The following BCKDHA variants were observed in gnomAD, a reference collection of about 807,000 sequenced individuals.
BCKDHA encodes 2-oxoisovalerate dehydrogenase subunit alpha, mitochondrial.
In BCKDHA, 43 loss-of-function variants were observed where a neutral mutation model predicts 52.2. That is an observed-to-expected ratio of 0.82 (90% CI 0.64 to 1.06). BCKDHA has a LOEUF of 1.06. BCKDHA is among the 50% of genes least tolerant of loss of function. The pLI, the probability that BCKDHA is intolerant of heterozygous loss-of-function variation, is 0.00. For missense variants in BCKDHA, 527 were observed against 621.3 expected, an observed-to-expected ratio of 0.85 and a Z score of 1.61; for synonymous variants, 234 against 247.9, an observed-to-expected ratio of 0.94 and a Z score of 0.53.
chr19:41,413,327 G>A lies in BCKDHA; in HGVS notation c.376-722G>A, dbSNP rs74512011. Among the ~76,000 whole-genome samples, 13 of 151,542 alleles carry A rather than the reference G, an allele frequency of 8.6e-5. No homozygotes were observed. In the East Asian group the frequency reaches 1.2e-3, roughly 14 times the overall value. Reference sequence around the variant, plus strand: ...CAAGGGAGGCCAGGGACCTGAGTGCGTGTCTTTTTGAGGCTCAGGTTAGGG... The same window carrying A: ...CAAGGGAGGCCAGGGACCTGAGTGCATGTCTTTTTGAGGCTCAGGTTAGGG... On this transcript the variant is annotated intron_variant, in intron 3 of 8. Coordinates refer to ENST00000269980, the MANE Select transcript of BCKDHA (RefSeq NM_000709.4).
intron 4 of BCKDHA, among the ~76,000 whole-genome samples, chr19:41,418,091 C>CAAAAAAAAAAAAA (rs66838098): frequency 1.4e-5 from 1 of 72,014 alleles, no homozygotes; most frequent in Non-Finnish European, 2.5e-5. Context: ...GACTCTGTCT[C>CAAAAAAAAAAAAA]AAAAAAAAAA....
intron 4 of BCKDHA, among the ~76,000 whole-genome samples, chr19:41,417,163 C>G (rs2039314899): frequency 6.6e-6 from 1 of 151,544 alleles, no homozygotes; most frequent in African/African-American, 2.4e-5. Context: ...AGGTGCACGC[C>G]ACCACACCTG....
intron 1 of BCKDHA, among the ~76,000 whole-genome samples, chr19:41,398,296 A>G (rs1291323193): frequency 6.6e-6 from 1 of 152,118 alleles, no homozygotes; most frequent in Non-Finnish European, 1.5e-5. Flanking sequence ...GGAGAATGAA[A>G]CTGACTTTGT....
At chr19:41,399,331 CTTTTTTTTTTT>C (rs11307304) in intron 1 of BCKDHA, 1 of 91,860 alleles carries the variant, frequency 1.1e-5, no homozygotes, top group Admixed American at 1.1e-4. Flanking sequence ...GACCTTTTCA[CTTTTTTTTTTT>C]TTTTTTTTTT....
At chr19:41,414,938 G>A (rs958615180) in intron 4 of BCKDHA, among the ~76,000 whole-genome samples, 1 of 152,176 alleles carries the variant, frequency 6.6e-6, no homozygotes, top group Non-Finnish European at 1.5e-5. Flanking sequence ...TCGTAAGGGG[G>A]ATGGTAGCCC....
intron 4 of BCKDHA, among the ~76,000 whole-genome samples, chr19:41,418,521 GT>G (rs2039330063): frequency 6.8e-6 from 1 of 145,996 alleles, no homozygotes; most frequent in African/African-American, 2.5e-5. Flanking sequence ...CTGTTATTTG[GT>G]TCATAATGAT....
At chr19:41,409,599 G>T (rs1041871836) in intron 1 of BCKDHA, among the ~76,000 whole-genome samples, 32 of 152,010 alleles carry the variant, frequency 2.1e-4, no homozygotes, top group African/African-American at 7.5e-4. Flanking sequence ...TGTAAAGCAA[G>T]CAGAGATGAG....
intron 1 of BCKDHA, among the ~76,000 whole-genome samples, chr19:41,401,060 AG>A (rs1172712312): frequency 7.5e-6 from 1 of 132,576 alleles, no homozygotes; most frequent in East Asian, 2.1e-4. Context: ...TAGATGGTGC[AG>A]GGTTTTTGTT....
At chr19:41,406,557 C>T (rs1174715193) in intron 1 of BCKDHA, among the ~76,000 whole-genome samples, 1 of 151,524 alleles carries the variant, frequency 6.6e-6, no homozygotes, top group Non-Finnish European at 1.5e-5. Flanking sequence ...GTAAATGCCA[C>T]CATTCCCAGC....
chr19:41,405,242 C>T (rs1247136826), intron 1 of BCKDHA, among the ~76,000 whole-genome samples: 2 of 152,126 alleles, frequency 1.3e-5, no homozygotes, highest in East Asian at 1.9e-4. Flanking sequence ...ATACCACCCT[C>T]GGTGTACACA....
At position 41,397,923 on chromosome 19, in the gene BCKDHA, A is replaced by G. The variant is rs1375275832; in HGVS notation, c.96A>G (p.Gly32=). ...TGCTGCGGCAGCCTGGGGCTCGGGG[A>G]CTGGCTAGATCTGTGAGTACCTGGG... ...LLLLRQPGAR[G]LARSHPPRQQ... Residue 32 remains glycine (G), a synonymous_variant, in exon 1 of 9, where the codon GGA becomes GGG. Coordinates refer to ENST00000269980, the MANE Select transcript of BCKDHA (RefSeq NM_000709.4). 1.9e-6 allele frequency: 3 copies of G among 1,613,780 alleles called. No homozygotes were observed. The highest frequency in any genetic ancestry group is 1.1e-5 in the South Asian group (1 of 91,066).
At chr19:41,407,705 G>A (rs1024034768) in intron 1 of BCKDHA, among the ~76,000 whole-genome samples, 1 of 152,190 alleles carries the variant, frequency 6.6e-6, no homozygotes, top group Non-Finnish European at 1.5e-5. Context: ...CTTGTTCACT[G>A]CAGTTAAAGG....
At chr19:41,424,135 C>T (rs553046185) in intron 8 of BCKDHA, among the ~76,000 whole-genome samples, 6 of 152,240 alleles carry the variant, frequency 3.9e-5, no homozygotes, top group South Asian at 2.1e-4. Flanking sequence ...GGGCAGCACC[C>T]GGCATAGGGC....
chr19:41,412,217 C>T (rs1482797381), intron 3 of BCKDHA, among the ~76,000 whole-genome samples: 1 of 148,988 alleles, frequency 6.7e-6, no homozygotes, highest in East Asian at 1.9e-4. Flanking sequence ...ACCTCGACAT[C>T]TTCCTCCCAG....
At position 41,422,643 on chromosome 19, in the gene BCKDHA, G is replaced by A. The variant is rs137852871; in HGVS notation, c.868G>A (p.Gly290Arg). ...RGDGIAARGP[G>R]YGIMSIRVDG... ...TGTCCCCACAGCAGCACGAGGCCCCGGGTATGGCATCATGTCAATCCGCGT... is the reference window on the plus strand; with the variant it reads ...TGTCCCCACAGCAGCACGAGGCCCCAGGTATGGCATCATGTCAATCCGCGT... The change falls in exon 7 of 9, where the codon GGG (glycine) becomes AGG (arginine). Residue 290 changes from glycine (G) to arginine (R), a missense_variant. Gly to Arg is a moderately radical substitution (Grantham distance 125). Transcript: ENST00000269980. The A allele has an allele frequency of 6.8e-6, 11 of 1,613,936 alleles. No homozygotes were observed. Among genetic ancestry groups the A allele is most frequent in the Admixed American group, 6.7e-5 (4 of 60,004 alleles).
chr19:41,419,382 G>A (rs2039340885), intron 5 of BCKDHA, 86 bp downstream of exon 5: 2 of 1,507,592 alleles, frequency 1.3e-6, no homozygotes, highest in South Asian at 2.4e-5. Flanking sequence ...CTGCCTTCTG[G>A]GTGGAATTCT....
intron 1 of BCKDHA, among the ~76,000 whole-genome samples, chr19:41,398,780 G>T (rs1478975964): frequency 6.6e-6 from 1 of 152,156 alleles, no homozygotes. Context: ...GAGAGTAGTG[G>T]TTACATGGGT....
intron 1 of BCKDHA, among the ~76,000 whole-genome samples, chr19:41,404,676 C>T (rs1470805225): frequency 1.3e-5 from 2 of 151,952 alleles, no homozygotes; most frequent in African/African-American, 4.8e-5. Context: ...TCACTGCAAC[C>T]TCCACCTCCC....
intron 4 of BCKDHA, chr19:41,418,651 C>G: frequency 2.4e-6 from 1 of 417,778 alleles, no homozygotes; most frequent in East Asian, 7.1e-5. Flanking sequence ...CTGCCTCAGC[C>G]TCCCAAGTAG....
Sources: gnomAD v4.1 joint callset for allele counts (sites outside exome capture counted in the v4.1 genomes callset) on GRCh38, gnomAD v4.1.1 for gene constraint, MANE v1.5 for transcripts, NCBI Gene and HGNC (gene_info 2026-07-23, HGNC 2026-07-21) for gene names.